The following SPATA24 variants were observed in gnomAD, a reference collection of about 807,000 sequenced individuals.
The protein encoded by SPATA24 is spermatogenesis-associated protein 24.
In SPATA24, 21 loss-of-function variants were observed where a neutral mutation model predicts 28.9. The ratio of observed to expected loss-of-function variants is 0.73; its 90% CI spans 0.52 to 1.05. SPATA24 has a LOEUF of 1.05. Ranked by LOEUF, SPATA24 falls within the 50% of genes least tolerant of loss-of-function variation. The probability of loss-of-function intolerance (pLI) is 0.00; values close to 1 mark genes in which losing one functional copy is unlikely to be tolerated. For synonymous variants in SPATA24, 76 were observed against 89.9 expected (o/e 0.85, Z 0.88); for missense variants, 215 against 242.9 (o/e 0.88, Z 0.76).
At chr5:139,394,829 C>A, downstream of SPATA24, 1 of 1,530,566 alleles carries the variant, frequency 6.5e-7, no homozygotes, top group Non-Finnish European at 8.8e-7. Context: ...AAACCCGAGC[C>A]GGGCCCGTGC....
At chr5:139,402,146 A>C in intron 2 of SPATA24, 101 bp from the exon 3 acceptor site, 2 of 1,411,364 alleles carry the variant, frequency 1.4e-6, no homozygotes, top group East Asian at 2.5e-5. Context: ...CAGAAGCCAG[A>C]GCACAGGGAG....
downstream of SPATA24, chr5:139,392,543 C>T (rs1043394563): frequency 2.2e-6 from 3 of 1,347,618 alleles, no homozygotes; most frequent in Non-Finnish European, 1.9e-6. This position sits in a 1 kb window ranked among gnomAD's most constrained non-coding sequence, Gnocchi z 5.8. Context: ...TGGGCTGGGG[C>T]CGTCCTGCCC....
downstream of SPATA24, chr5:139,396,346 T>C (rs1459151922): frequency 4.1e-6 from 4 of 985,342 alleles, no homozygotes; most frequent in East Asian, 3.4e-4. Context: ...CATTGTCTTT[T>C]CTCTTCCTCC....
intron 4 of SPATA24, among the ~76,000 whole-genome samples, chr5:139,400,598 G>A (rs1189958160): frequency 1.3e-5 from 2 of 151,876 alleles, no homozygotes; most frequent in Non-Finnish European, 2.9e-5. Flanking sequence ...ATGAGCCACC[G>A]CGCCCAGCCC....
chr5:139,404,083 G>T lies in SPATA24; in HGVS notation c.-23C>A, dbSNP rs1241256981. On this transcript the variant is annotated 5_prime_UTR_variant, in exon 1 of 6. Transcript: ENST00000450845. ...CATCTTCCGCCCCCGCCAGCTAGTT[G>T]GAAATGGCTGCCTCGGGGGTGATCC... 1 of 1,535,290 alleles carries T rather than the reference G, an allele frequency of 6.5e-7. No homozygotes were observed. Among genetic ancestry groups the T allele is most frequent in the East Asian group, 2.4e-5 (1 of 40,818 alleles).
chr5:139,393,677 T>G (rs564207530), downstream of SPATA24: 1 of 1,551,048 alleles, frequency 6.4e-7, no homozygotes, highest in Non-Finnish European at 8.7e-7. Context: ...GACGGGCTCC[T>G]TTCCCCAGCA....
At chr5:139,393,677 T>C (rs564207530), downstream of SPATA24, 7 of 1,551,048 alleles carry the variant, frequency 4.5e-6, no homozygotes, top group African/African-American at 9.6e-5. Flanking sequence ...GACGGGCTCC[T>C]TTCCCCAGCA....
downstream of SPATA24, chr5:139,396,100 G>T (rs1758699747): frequency 1.1e-6 from 1 of 889,328 alleles, no homozygotes; most frequent in Non-Finnish European, 1.3e-6. Flanking sequence ...TGGAGCAAGA[G>T]CACTGCCCCC....
At chr5:139,393,425 C>T, downstream of SPATA24, 2 of 1,551,656 alleles carry the variant, frequency 1.3e-6, no homozygotes, top group East Asian at 2.4e-5. Flanking sequence ...GTGCCGGGTG[C>T]GGACGGTGTA....
chr5:139,396,358 A>C, downstream of SPATA24: 1 of 985,318 alleles, frequency 1.0e-6, no homozygotes, highest in South Asian at 4.7e-5. Flanking sequence ...TCTTCCTCCC[A>C]TTGTGAAGCT....
intron 4 of SPATA24, among the ~76,000 whole-genome samples, chr5:139,401,246 C>T (rs1049928537): frequency 6.6e-6 from 1 of 152,198 alleles, no homozygotes; most frequent in African/African-American, 2.4e-5. Flanking sequence ...ATCACTTGAG[C>T]CCAGGCATTT....
intron 4 of SPATA24, among the ~76,000 whole-genome samples, chr5:139,398,644 TG>T (rs1352144023): frequency 6.6e-6 from 1 of 152,162 alleles, no homozygotes; most frequent in Non-Finnish European, 1.5e-5. Context: ...TGTAGGGATC[TG>T]GGGGTGCTTC....
In SPATA24 at chr5:139,401,997, C is replaced by T; in HGVS notation, c.232G>A (p.Glu78Lys). ...CCGAGGGCAAACTGTAACTTCTCCTCTTCCTTGGCCAGGAGGACCTTGGTT... is the reference window on the plus strand; with the variant it reads ...CCGAGGGCAAACTGTAACTTCTCCTTTTCCTTGGCCAGGAGGACCTTGGTT... ...AKTKVLLAKE[E>K]EKLQFALGEV... The change falls in exon 3 of 6, where the codon GAG becomes AAG. Residue 78 changes from glutamate to lysine, a missense_variant. Glu to Lys is a moderately conservative substitution (Grantham distance 56, BLOSUM62 1). Coordinates refer to ENST00000450845, the MANE Select transcript of SPATA24 (RefSeq NM_194296.2). 6.4e-7 allele frequency: 1 copy of T among 1,551,674 alleles called. No homozygotes were observed. The highest frequency in any genetic ancestry group is 1.2e-5 in the South Asian group (1 of 84,058).
chr5:139,394,612 T>C, downstream of SPATA24: 2 of 1,533,096 alleles, frequency 1.3e-6, no homozygotes, highest in Non-Finnish European at 1.7e-6. Context: ...GACCTGGGAC[T>C]GGCGTGGGAC....
intron 4 of SPATA24, 44 bp from the exon 5 acceptor site, chr5:139,397,187 G>C: frequency 6.8e-7 from 1 of 1,467,424 alleles, no homozygotes; most frequent in Non-Finnish European, 9.3e-7. Context: ...TCCCATCCCA[G>C]GGCTCCTTCC....
Position 139,404,063 on chromosome 5 carries a change from T to G in SPATA24, c.-3A>C, listed in dbSNP as rs1197656308. The stretch of plus-strand genomic sequence containing the variant: ...GACCACCCGAGGGGCGTCGCCATCT[T>G]CCGCCCCCGCCAGCTAGTTGGAAAT... On this transcript the variant is annotated 5_prime_UTR_variant, in exon 1 of 6. Coordinates refer to ENST00000450845, the MANE Select transcript of SPATA24 (RefSeq NM_194296.2). 3.9e-6 allele frequency: 6 copies of G among 1,550,630 alleles called. No homozygotes were observed. Among genetic ancestry groups the G allele is most frequent in the Admixed American group, 2.0e-5 (1 of 50,990 alleles).
downstream of SPATA24, chr5:139,394,026 C>T: frequency 1.9e-6 from 3 of 1,550,766 alleles, no homozygotes; most frequent in East Asian, 7.3e-5. Flanking sequence ...TCTTCCGCGC[C>T]TCCTGGATCT....
chr5:139,403,323 T>A (rs1758862307), intron 1 of SPATA24, among the ~76,000 whole-genome samples: 1 of 152,216 alleles, frequency 6.6e-6, no homozygotes, highest in Non-Finnish European at 1.5e-5. Flanking sequence ...GCCAGTTTTA[T>A]TTCTGAGATG....
intron 4 of SPATA24, among the ~76,000 whole-genome samples, chr5:139,400,034 C>T (rs182833103): frequency 5.9e-5 from 9 of 152,288 alleles, no homozygotes; most frequent in East Asian, 3.9e-4. Context: ...CTGCCTGTTG[C>T]GCCCTGCCAT....
Sources: allele counts gnomAD v4.1 joint callset (sites outside exome capture counted in the v4.1 genomes callset), GRCh38; gene constraint gnomAD v4.1.1; non-coding constraint Gnocchi (gnomAD v3.1); transcripts MANE v1.5; gene names NCBI Gene and HGNC (gene_info 2026-07-23, HGNC 2026-07-21).